Variants in HIBADH observed in about 807,000 individuals in gnomAD.
The protein encoded by HIBADH is 3-hydroxyisobutyrate dehydrogenase, mitochondrial.
HIBADH carries 25 observed loss-of-function variants against 36.1 expected under a neutral mutation model. The observed-to-expected ratio is 0.69, with a 90% CI of 0.50 to 0.97. The LOEUF (loss-of-function observed/expected upper bound fraction) is 0.97, where lower values mean the gene tolerates loss of function less well. Ranked by LOEUF, HIBADH falls within the 50% of genes least tolerant of loss-of-function variation. The probability of loss-of-function intolerance (pLI) is 0.00; values close to 1 mark genes in which losing one functional copy is unlikely to be tolerated. For synonymous variants in HIBADH, 160 were observed against 149.5 expected, an observed-to-expected ratio of 1.07 and a Z score of -0.51; for missense variants, 421 against 418.0, an observed-to-expected ratio of 1.01 and a Z score of -0.06.
At chr7:27,566,393 T>C (rs763805036) in intron 4 of HIBADH, among the ~76,000 whole-genome samples, 21 of 152,084 alleles carry the variant, frequency 1.4e-4, no homozygotes, top group Non-Finnish European at 2.5e-4. Context: ...AATGGTCCAT[T>C]TCATTTACAC....
chr7:27,557,358 C>T (rs561575572), intron 4 of HIBADH, among the ~76,000 whole-genome samples: 31 of 152,134 alleles, frequency 2.0e-4, no homozygotes, highest in African/African-American at 7.2e-4. Context: ...TCATATAGGT[C>T]TTACACATTT....
rs199963177 is a variant in HIBADH at position 27,629,363 on chromosome 7, C to A, written c.484+8G>T. The stretch of plus-strand genomic sequence containing the variant: ...AATAGGTTTGCATATATTTTAGCTA[C>A]CACTTACCACCAGAAACAGGGGCAT... On this transcript the variant is annotated splice_region_variant and intron_variant, in intron 4 of 7. Coordinates refer to ENST00000265395, the MANE Select transcript of HIBADH (RefSeq NM_152740.4). 282 of 1,607,858 alleles carry A rather than the reference C, an allele frequency of 1.8e-4. 1 individual carries two copies. The highest frequency in any genetic ancestry group is 5.1e-5 in the Admixed American group (3 of 59,292).
chr7:27,643,350 G>T (rs1785996338), intron 2 of HIBADH, among the ~76,000 whole-genome samples: 2 of 152,150 alleles, frequency 1.3e-5, no homozygotes, highest in Non-Finnish European at 1.5e-5. Flanking sequence ...ATGAGAAGAG[G>T]AACAGCTGTG....
At chr7:27,542,873 G>A (rs1784176105) in intron 5 of HIBADH, 94 bp downstream of exon 5, 2 of 1,309,862 alleles carry the variant, frequency 1.5e-6, no homozygotes, top group East Asian at 2.4e-5. Flanking sequence ...TCCATAGGTT[G>A]AAGAAAGAAG....
Position 27,662,869 on chromosome 7 carries a change from G to C in HIBADH, c.-81C>G, listed in dbSNP as rs536994170. The C allele has an allele frequency of 2.6e-6, 3 of 1,165,002 alleles. No homozygotes were observed. The highest frequency in any genetic ancestry group is 3.2e-5 in the African/African-American group (2 of 61,982). 72.2% of individuals were successfully genotyped at this position (1,165,002 alleles called of 1,614,324 possible). A position where few individuals can be genotyped will look rare whatever the true frequency, so the allele number is the denominator to read the frequency against. ...GACTGCGAGCGTGTGCAGCGGGACT[G>C]GCTGGCTCGCCCACGGAGAAGGGCG... On this transcript the variant is annotated 5_prime_UTR_variant, in exon 1 of 8. Coordinates refer to ENST00000265395, the MANE Select transcript of HIBADH (RefSeq NM_152740.4).
chr7:27,530,643 T>C (rs762178842), intron 7 of HIBADH, among the ~76,000 whole-genome samples: 35 of 152,282 alleles, frequency 2.3e-4, no homozygotes, highest in Admixed American at 9.2e-4. Flanking sequence ...GTTGAGAACA[T>C]AGACTTTCTA....
intron 4 of HIBADH, among the ~76,000 whole-genome samples, chr7:27,553,234 G>C (rs1275372600): frequency 6.6e-6 from 1 of 152,176 alleles, no homozygotes; most frequent in Admixed American, 6.5e-5. Context: ...GGCTATATCT[G>C]AAACAGCTGA....
At chr7:27,561,669 G>C (rs1008230352) in intron 4 of HIBADH, among the ~76,000 whole-genome samples, 5 of 152,002 alleles carry the variant, frequency 3.3e-5, no homozygotes, top group Non-Finnish European at 5.9e-5. Flanking sequence ...CAATATTTTT[G>C]TTGTTTGATC....
intron 1 of HIBADH, among the ~76,000 whole-genome samples, chr7:27,658,435 T>C (rs778833183): frequency 6.6e-6 from 1 of 152,214 alleles, no homozygotes; most frequent in East Asian, 1.9e-4. Context: ...TCTAAATTTA[T>C]AGATGCAAAT....
chr7:27,644,648 A>G (rs1405074243), intron 2 of HIBADH, among the ~76,000 whole-genome samples: 1 of 149,744 alleles, frequency 6.7e-6, no homozygotes, highest in East Asian at 2.0e-4. Context: ...GCCTGTAGTC[A>G]CAGCTACTCG....
intron 2 of HIBADH, among the ~76,000 whole-genome samples, chr7:27,635,975 A>C (rs1785834021): frequency 1.3e-5 from 2 of 152,226 alleles, no homozygotes; most frequent in South Asian, 4.1e-4. Flanking sequence ...TCTGTATGCC[A>C]GTATGCATCA....
chr7:27,609,316 G>A (rs1057507914), intron 4 of HIBADH, among the ~76,000 whole-genome samples: 4 of 152,132 alleles, frequency 2.6e-5, no homozygotes, highest in African/African-American at 9.7e-5. Context: ...TATGACAACT[G>A]TTGCAAGGCA....
chr7:27,530,546 C>T (rs1246399321), intron 7 of HIBADH, among the ~76,000 whole-genome samples: 1 of 151,422 alleles, frequency 6.6e-6, no homozygotes, highest in African/African-American at 2.4e-5. Flanking sequence ...AACAAACAAA[C>T]AAACAAACAA....
intron 7 of HIBADH, 23 bp from the exon 8 acceptor site, chr7:27,526,395 A>T (rs987811057): frequency 1.9e-6 from 3 of 1,587,662 alleles, no homozygotes; most frequent in Non-Finnish European, 2.6e-6. Flanking sequence ...GGAGGAGAGA[A>T]CACGCTGAGA....
At chr7:27,561,411 T>G (rs1784465759) in intron 4 of HIBADH, among the ~76,000 whole-genome samples, 2 of 152,278 alleles carry the variant, frequency 1.3e-5, no homozygotes, top group African/African-American at 4.8e-5. Flanking sequence ...TGATTCTAAA[T>G]TTTAAATGTA....
intron 4 of HIBADH, among the ~76,000 whole-genome samples, chr7:27,555,841 C>T (rs1206262395): frequency 6.6e-6 from 1 of 152,094 alleles, no homozygotes; most frequent in East Asian, 1.9e-4. Flanking sequence ...AAAATCATGT[C>T]TATCTTCTCA....
chr7:27,538,741 G>C (rs1220269446), intron 5 of HIBADH, among the ~76,000 whole-genome samples: 1 of 152,060 alleles, frequency 6.6e-6, no homozygotes, highest in African/African-American at 2.4e-5. Context: ...TTGGAAATGG[G>C]AGTAATATGC....
At chr7:27,566,299 C>A (rs1340592012) in intron 4 of HIBADH, among the ~76,000 whole-genome samples, 2 of 151,784 alleles carry the variant, frequency 1.3e-5, no homozygotes, top group African/African-American at 4.8e-5. Flanking sequence ...TTCTGTTTTT[C>A]TTTTTCAGAA....
intron 4 of HIBADH, among the ~76,000 whole-genome samples, chr7:27,558,350 C>G (rs1454642347): frequency 1.3e-5 from 2 of 151,994 alleles, no homozygotes; most frequent in African/African-American, 4.8e-5. Context: ...TTTGGGGGGA[C>G]AGGGTCTCGC....
Sources: allele counts gnomAD v4.1 joint callset (sites outside exome capture counted in the v4.1 genomes callset), GRCh38; gene constraint gnomAD v4.1.1; transcripts MANE v1.5; gene names NCBI Gene and HGNC (gene_info 2026-07-23, HGNC 2026-07-21).